The following CCDC178 variants were observed in gnomAD, a reference collection of about 807,000 sequenced individuals.
CCDC178 encodes coiled-coil domain-containing protein 178.
CCDC178 carries 126 observed loss-of-function variants against 117.4 expected under a neutral mutation model. The ratio of observed to expected loss-of-function variants is 1.07; its 90% CI spans 0.93 to 1.24. The LOEUF (loss-of-function observed/expected upper bound fraction) is 1.24. Ranked by LOEUF, CCDC178 falls within the 50% of genes most tolerant of loss-of-function variation. The pLI, the probability that CCDC178 is intolerant of heterozygous loss-of-function variation, is 0.00. For missense variants in CCDC178, 1,030 were observed against 986.9 expected, an observed-to-expected ratio of 1.04 and a Z score of -0.59; for synonymous variants, 283 against 313.4, an observed-to-expected ratio of 0.90 and a Z score of 1.02.
chr18:33,126,006 T>A (rs548480612), intron 20 of CCDC178, among the ~76,000 whole-genome samples: 1 of 152,136 alleles, frequency 6.6e-6, no homozygotes, highest in Non-Finnish European at 1.5e-5. Flanking sequence ...GCACTGAAGG[T>A]CCAGGCAGGA....
At chr18:32,962,866 C>CA (rs1292430574) in intron 22 of CCDC178, among the ~76,000 whole-genome samples, 1 of 151,960 alleles carries the variant, frequency 6.6e-6, no homozygotes, top group Non-Finnish European at 1.5e-5. Flanking sequence ...TAATACTATA[C>CA]AAAAAATACC....
intron 20 of CCDC178, among the ~76,000 whole-genome samples, chr18:33,100,365 G>GTGCA (rs2057606817): frequency 6.6e-6 from 1 of 151,676 alleles, no homozygotes. Context: ...TTTTGTCTCT[G>GTGCA]TTGTATATAT....
intron 6 of CCDC178, among the ~76,000 whole-genome samples, chr18:33,361,421 T>C (rs1034288962): frequency 4.2e-4 from 63 of 151,624 alleles, no homozygotes; most frequent in Non-Finnish European, 1.5e-5. Context: ...CTCCTTCACA[T>C]TGGTCTTGAC....
chr18:33,276,199 C>G (rs2059949005), intron 12 of CCDC178, among the ~76,000 whole-genome samples: 1 of 151,926 alleles, frequency 6.6e-6, no homozygotes, highest in African/African-American at 2.4e-5. Context: ...CCTAGAAATT[C>G]ACAAAATAAA....
chr18:33,271,662 G>T (rs1297771870), intron 12 of CCDC178, among the ~76,000 whole-genome samples: 1 of 151,356 alleles, frequency 6.6e-6, no homozygotes, highest in African/African-American at 2.4e-5. Context: ...TAGAAAATTT[G>T]ACAAAAACAG....
chr18:32,965,829 C>G (rs1226730123), intron 22 of CCDC178, among the ~76,000 whole-genome samples: 1 of 150,438 alleles, frequency 6.6e-6, no homozygotes, highest in Non-Finnish European at 1.5e-5. Flanking sequence ...TTTTTTTGTA[C>G]TTCTGATATT....
chr18:33,370,583 C>T (rs187623699), intron 5 of CCDC178, among the ~76,000 whole-genome samples: 164 of 152,008 alleles, frequency 1.1e-3, no homozygotes, highest in African/African-American at 3.9e-3. Flanking sequence ...TAAATATTCC[C>T]TTCAAAGAGA....
At chr18:33,109,204 A>G (rs1262712221) in intron 20 of CCDC178, among the ~76,000 whole-genome samples, 1 of 151,686 alleles carries the variant, frequency 6.6e-6, no homozygotes, top group Non-Finnish European at 1.5e-5. Context: ...AAGAATACTA[A>G]CCCACTATTA....
chr18:33,202,728 TGCTATACA>T (rs888220860), intron 20 of CCDC178, among the ~76,000 whole-genome samples: 2 of 152,214 alleles, frequency 1.3e-5, no homozygotes, highest in African/African-American at 4.8e-5. Flanking sequence ...TAATTGATCT[TGCTATACA>T]GCTCATCTCT....
At chr18:33,288,297 CCT>C (rs1403858315) in intron 12 of CCDC178, among the ~76,000 whole-genome samples, 2 of 108,976 alleles carry the variant, frequency 1.8e-5, no homozygotes, top group Non-Finnish European at 3.8e-5. Context: ...CCTCTTCCCT[CCT>C]CTCTCCTCCC....
intron 21 of CCDC178, among the ~76,000 whole-genome samples, chr18:33,014,818 C>G (rs2055946572): frequency 6.6e-6 from 1 of 152,092 alleles, no homozygotes; most frequent in Non-Finnish European, 1.5e-5. Context: ...AAACAAGGCA[C>G]AGCAGTAGCA....
At chr18:33,073,591 T>A (rs1419747421) in intron 21 of CCDC178, among the ~76,000 whole-genome samples, 1 of 152,090 alleles carries the variant, frequency 6.6e-6, no homozygotes, top group East Asian at 1.9e-4. Context: ...TATTTTCCTA[T>A]AAATTTCTAG....
intron 6 of CCDC178, among the ~76,000 whole-genome samples, chr18:33,361,496 C>A (rs1357538241): frequency 7.3e-5 from 11 of 150,622 alleles, no homozygotes; most frequent in African/African-American, 2.2e-4. Context: ...AATGGAACTG[C>A]ATCAAACTAA....
intron 12 of CCDC178, among the ~76,000 whole-genome samples, chr18:33,287,985 G>T (rs1019125863): frequency 6.6e-6 from 1 of 151,882 alleles, no homozygotes; most frequent in East Asian, 1.9e-4. Context: ...ATTAAACCAA[G>T]GTAATAATTA....
chr18:33,278,272 TAC>T (rs1424136717), intron 12 of CCDC178, among the ~76,000 whole-genome samples: 1 of 132,132 alleles, frequency 7.6e-6, no homozygotes, highest in Non-Finnish European at 1.6e-5. Flanking sequence ...CACATATATA[TAC>T]ACAAATACAT....
At chr18:33,132,647 C>T (rs2058079704) in intron 20 of CCDC178, among the ~76,000 whole-genome samples, 1 of 151,564 alleles carries the variant, frequency 6.6e-6, no homozygotes, top group South Asian at 2.1e-4. Flanking sequence ...TGAAATGGTA[C>T]TTTTCTCTCA....
intron 14 of CCDC178, among the ~76,000 whole-genome samples, chr18:33,262,877 C>T (rs528276920): frequency 6.6e-6 from 1 of 151,926 alleles, no homozygotes; most frequent in Admixed American, 6.6e-5. Context: ...GATTAGACTG[C>T]AAAAAATGAG....
intron 20 of CCDC178, among the ~76,000 whole-genome samples, chr18:33,139,413 A>C (rs1333944798): frequency 6.6e-6 from 1 of 152,180 alleles, no homozygotes; most frequent in Non-Finnish European, 1.5e-5. Context: ...GAAAATTTGG[A>C]ACTACCTAGA....
At chr18:33,387,389 C>T (rs1161421345) in intron 5 of CCDC178, among the ~76,000 whole-genome samples, 8 of 152,086 alleles carry the variant, frequency 5.3e-5, no homozygotes, top group African/African-American at 1.9e-4. Context: ...AAAAAAAGCT[C>T]ACATAGCCAA....
Sources: allele counts gnomAD v4.1 joint callset (sites outside exome capture counted in the v4.1 genomes callset), GRCh38; gene constraint gnomAD v4.1.1; transcripts MANE v1.5; gene names NCBI Gene and HGNC (gene_info 2026-07-23, HGNC 2026-07-21).